The following ATXN7L1 variants were observed in gnomAD, a reference collection of about 807,000 sequenced individuals.
ATXN7L1 encodes the protein ataxin 7 like 1.
A neutral mutation model predicts 70.8 loss-of-function variants in ATXN7L1; 15 were observed. The observed-to-expected ratio is 0.21, with a 90% confidence interval of 0.14 to 0.33. The LOEUF (loss-of-function observed/expected upper bound fraction) is 0.33, where lower values mean the gene tolerates loss of function less well. Ranked by LOEUF, ATXN7L1 falls within the 10% of genes least tolerant of loss-of-function variation. The pLI, the probability that ATXN7L1 is intolerant of heterozygous loss-of-function variation, is 1.00. For missense variants in ATXN7L1, 975 were observed against 1,097.1 expected (o/e 0.89, Z 1.57); for synonymous variants, 440 against 445.1 (o/e 0.99, Z 0.14).
chr7:105,703,246 G>C (rs939234973), intron 3 of ATXN7L1, among the ~76,000 whole-genome samples: 1 of 151,704 alleles, frequency 6.6e-6, no homozygotes, highest in Non-Finnish European at 1.5e-5. Context: ...CAGAGGTTGC[G>C]GTGAGCCGAG....
intron 2 of ATXN7L1, among the ~76,000 whole-genome samples, chr7:105,861,597 C>T (rs1160680487): frequency 6.6e-6 from 1 of 151,842 alleles, no homozygotes; most frequent in African/African-American, 2.4e-5. Context: ...TGGTGCGGCA[C>T]CCGGGGGTGG....
rs1040798174 is a variant in ATXN7L1 at position 105,859,663 on chromosome 7, T to C, written c.250+16149A>G. On this transcript the variant is annotated intron_variant, in intron 2 of 11. Coordinates refer to ENST00000419735, the MANE Select transcript of ATXN7L1 (RefSeq NM_020725.2). ...CAATGGGAATATCATAGAGTGAACT[T>C]ACACAAACCTAGATGGCATAGCCTA... Among the ~76,000 whole-genome samples, 6 of 152,154 alleles carry C rather than the reference T, an allele frequency of 3.9e-5. No individual in the cohort carries two copies. The South Asian group carries it at 1.2e-3, about 32-fold the overall frequency.
At chr7:105,869,658 G>T (rs536806607) in intron 2 of ATXN7L1, among the ~76,000 whole-genome samples, 1 of 152,158 alleles carries the variant, frequency 6.6e-6, no homozygotes, top group South Asian at 2.1e-4. Context: ...TATCTTACTG[G>T]CCCCAGCACA....
intron 2 of ATXN7L1, among the ~76,000 whole-genome samples, chr7:105,808,180 G>A (rs1480313111): frequency 6.6e-6 from 1 of 152,198 alleles, no homozygotes; most frequent in African/African-American, 2.4e-5. Flanking sequence ...CCTGGTGGGT[G>A]CCAGGTTACT....
intron 3 of ATXN7L1, among the ~76,000 whole-genome samples, chr7:105,747,862 T>C (rs1798752526): frequency 7.3e-6 from 1 of 136,080 alleles, no homozygotes; most frequent in Non-Finnish European, 1.5e-5. Flanking sequence ...GGCTCACACC[T>C]GTAATCCCAG....
chr7:105,822,323 T>G, intron 2 of ATXN7L1, among the ~76,000 whole-genome samples: 1 of 152,188 alleles, frequency 6.6e-6, no homozygotes, highest in East Asian at 1.9e-4. Context: ...CCCTTGGAGC[T>G]GTAGGGAGAA....
At position 105,795,674 on chromosome 7, in the gene ATXN7L1, G is replaced by A. The variant is rs116961733; in HGVS notation, c.251-6966C>T. ...GAAGCACCAGATGTACAGAGAAGCT[G>A]CAAGAAGCAGACACTACTTTGAAGG... On this transcript the variant is annotated intron_variant, in intron 2 of 11. Coordinates refer to ENST00000419735, the MANE Select transcript of ATXN7L1 (RefSeq NM_020725.2). Among the ~76,000 whole-genome samples, 29 of 152,310 alleles carry A rather than the reference G, an allele frequency of 1.9e-4. 1 individual carries two copies. The highest frequency in any genetic ancestry group is 1.4e-3 in the Admixed American group (22 of 15,306).
intron 3 of ATXN7L1, among the ~76,000 whole-genome samples, chr7:105,690,719 G>T (rs1055116691): frequency 1.3e-5 from 2 of 152,166 alleles, no homozygotes; most frequent in Non-Finnish European, 2.9e-5. Flanking sequence ...TTCCAAGAGC[G>T]GCAGACTCAG....
intron 3 of ATXN7L1, among the ~76,000 whole-genome samples, chr7:105,775,641 A>G (rs559217919): frequency 6.6e-6 from 1 of 152,330 alleles, no homozygotes; most frequent in East Asian, 1.9e-4. Flanking sequence ...GAAAGAGTAC[A>G]GTACACGTAG....
In ATXN7L1 at chr7:105,876,365, G is replaced by C. The variant is rs768747903; in HGVS notation, c.181+13C>G. On this transcript the variant is annotated intron_variant, in intron 1 of 11. Coordinates refer to ENST00000419735, the MANE Select transcript of ATXN7L1 (RefSeq NM_020725.2). Reference sequence around the variant, plus strand: ...AGGATAATAAAAGGAGGAGGAGGTGGTGGGGTTCTTACTGTCGGAGCAGTG... The same window carrying C: ...AGGATAATAAAAGGAGGAGGAGGTGCTGGGGTTCTTACTGTCGGAGCAGTG... 10 of 1,589,284 alleles carry C rather than the reference G, an allele frequency of 6.3e-6. No homozygotes were observed. Among genetic ancestry groups the C allele is most frequent in the Non-Finnish European group, 7.7e-6 (9 of 1,166,070 alleles).
chr7:105,763,757 C>T (rs1800858745), intron 3 of ATXN7L1, among the ~76,000 whole-genome samples: 1 of 152,188 alleles, frequency 6.6e-6, no homozygotes, highest in African/African-American at 2.4e-5. Flanking sequence ...CAGCTGTGTC[C>T]TGCTAGCATA....
At chr7:105,858,479 T>G (rs77477554) in intron 2 of ATXN7L1, among the ~76,000 whole-genome samples, 5,545 of 152,268 alleles carry the variant, frequency 0.036, 136 homozygotes, top group Middle Eastern at 0.1. Flanking sequence ...GCAAGGGTCA[T>G]CAATGAATGC....
intron 7 of ATXN7L1, among the ~76,000 whole-genome samples, chr7:105,632,835 C>T (rs766440800): frequency 7.1e-6 from 1 of 140,966 alleles, no homozygotes; most frequent in African/African-American, 2.6e-5. Context: ...GTGGGAGGAT[C>T]ATTTGAACCC....
chr7:105,840,203 G>T (rs543676989), intron 2 of ATXN7L1, among the ~76,000 whole-genome samples: 3 of 152,340 alleles, frequency 2.0e-5, no homozygotes, highest in Non-Finnish European at 4.4e-5. Flanking sequence ...ATGAGTGTAG[G>T]AGCAGAGTGA....
intron 4 of ATXN7L1, among the ~76,000 whole-genome samples, chr7:105,659,769 T>C (rs1801291364): frequency 6.6e-6 from 1 of 152,140 alleles, no homozygotes; most frequent in South Asian, 2.1e-4. Context: ...GGCCCATCTG[T>C]ACCCACAGCT....
intron 2 of ATXN7L1, among the ~76,000 whole-genome samples, chr7:105,811,577 A>G (rs1311743236): frequency 6.6e-6 from 1 of 152,218 alleles, no homozygotes; most frequent in African/African-American, 2.4e-5. Context: ...TCCCAAGTTC[A>G]GGAGAAAAGC....
At chr7:105,698,849 A>G (rs2116228329) in intron 3 of ATXN7L1, among the ~76,000 whole-genome samples, 1 of 152,326 alleles carries the variant, frequency 6.6e-6, no homozygotes, top group Admixed American at 6.5e-5. Flanking sequence ...CAGAGCATAG[A>G]AACTTTGCTA....
chr7:105,714,551 G>A (rs1162300010), intron 3 of ATXN7L1, among the ~76,000 whole-genome samples: 1 of 152,172 alleles, frequency 6.6e-6, no homozygotes, highest in African/African-American at 2.4e-5. Context: ...TTGAGATCCT[G>A]TCCAGGTCAG....
chr7:105,631,903 G>A (rs1243550061), intron 7 of ATXN7L1, among the ~76,000 whole-genome samples: 5 of 152,186 alleles, frequency 3.3e-5, no homozygotes, highest in African/African-American at 4.8e-5. Context: ...GTGGAACTGC[G>A]GGCCATTTCT....
Sources: gnomAD v4.1 joint callset for allele counts (sites outside exome capture counted in the v4.1 genomes callset) on GRCh38, gnomAD v4.1.1 for gene constraint, MANE v1.5 for transcripts, NCBI Gene and HGNC (gene_info 2026-07-23, HGNC 2026-07-21) for gene names.